Variants in TENM2 observed in about 807,000 individuals in gnomAD.
TENM2 encodes teneurin-2.
In TENM2, 52 loss-of-function variants were observed where a neutral mutation model predicts 245.2. The observed-to-expected ratio is 0.21, with a 90% CI of 0.17 to 0.27. The LOEUF (loss-of-function observed/expected upper bound fraction) is 0.27, where lower values mean the gene tolerates loss of function less well. TENM2 is among the 10% of genes least tolerant of loss of function. The pLI, the probability that TENM2 is intolerant of heterozygous loss-of-function variation, is 1.00. For synonymous variants in TENM2, 1,363 were observed against 1,438.9 expected, an observed-to-expected ratio of 0.95 and a Z score of 1.19; for missense variants, 3,046 against 3,666.8, an observed-to-expected ratio of 0.83 and a Z score of 4.37.
At chr5:168,256,252 A>G (rs1186067544) in intron 27 of TENM2, among the ~76,000 whole-genome samples, 1 of 151,664 alleles carries the variant, frequency 6.6e-6, no homozygotes, top group Non-Finnish European at 1.5e-5. Context: ...ATGTATATAT[A>G]TTTTTAGCAA....
At chr5:168,256,097 C>T (rs1161812019) in intron 27 of TENM2, among the ~76,000 whole-genome samples, 1 of 151,968 alleles carries the variant, frequency 6.6e-6, no homozygotes, top group Non-Finnish European at 1.5e-5. Flanking sequence ...AGCCACCGCG[C>T]CTGGCTAGAA....
chr5:167,316,499 A>G (rs959566270), intron 1 of TENM2, among the ~76,000 whole-genome samples: 1 of 152,134 alleles, frequency 6.6e-6, no homozygotes, highest in African/African-American at 2.4e-5. Flanking sequence ...CTGAAGAGGG[A>G]TTAAAGACAG....
chr5:168,112,340 C>T (rs1794728209), intron 9 of TENM2, among the ~76,000 whole-genome samples: 1 of 151,934 alleles, frequency 6.6e-6, no homozygotes, highest in African/African-American at 2.4e-5. Flanking sequence ...AGCCTAGCGC[C>T]CACTAGTTAT....
the TENM2 span, among the ~76,000 whole-genome samples, chr5:167,006,019 G>A: frequency 6.6e-6 from 1 of 152,054 alleles, no homozygotes; most frequent in Non-Finnish European, 1.5e-5. Context: ...GTGGAAGGAG[G>A]TAGGACATGG....
chr5:168,020,602 C>T (rs1023802808), intron 5 of TENM2, among the ~76,000 whole-genome samples: 2 of 152,126 alleles, frequency 1.3e-5, no homozygotes, highest in Admixed American at 6.5e-5. Context: ...ATCTTGAAGA[C>T]GGTTGCGTCT....
At chr5:167,456,881 G>A (rs961731037) in intron 2 of TENM2, among the ~76,000 whole-genome samples, 3 of 152,158 alleles carry the variant, frequency 2.0e-5, no homozygotes, top group African/African-American at 4.8e-5. Context: ...ACATTCATAA[G>A]TCATGCTGCA....
intron 4 of TENM2, among the ~76,000 whole-genome samples, chr5:167,980,117 G>T (rs149610191): frequency 6.6e-6 from 1 of 152,270 alleles, no homozygotes; most frequent in African/African-American, 2.4e-5. Context: ...TGAGGAAGAA[G>T]ATGAAATCCT....
intron 13 of TENM2, 87 bp downstream of exon 15, chr5:168,162,844 TC>T: frequency 7.0e-7 from 1 of 1,427,844 alleles, no homozygotes; most frequent in South Asian, 1.3e-5. Flanking sequence ...CGGAAAGACC[TC>T]CCCTGCACTA....
At chr5:167,111,984 A>G in the TENM2 span, among the ~76,000 whole-genome samples, 1 of 152,186 alleles carries the variant, frequency 6.6e-6, no homozygotes, top group Non-Finnish European at 1.5e-5. Context: ...CTGGATATCA[A>G]TTCCCTTGTC....
At chr5:167,888,492 G>A (rs1439041691) in intron 3 of TENM2, among the ~76,000 whole-genome samples, 1 of 152,194 alleles carries the variant, frequency 6.6e-6, no homozygotes, top group African/African-American at 2.4e-5. Context: ...AAAAAGTGGA[G>A]GCAGACCCTT....
At chr5:167,169,667 C>A in the TENM2 span, among the ~76,000 whole-genome samples, 1 of 152,204 alleles carries the variant, frequency 6.6e-6, no homozygotes, top group Non-Finnish European at 1.5e-5. Flanking sequence ...TCCACTTGCC[C>A]ATGCTGACAT....
the TENM2 span, among the ~76,000 whole-genome samples, chr5:167,179,581 C>A: frequency 2.6e-4 from 40 of 152,164 alleles, no homozygotes; most frequent in Admixed American, 1.6e-3. Context: ...TTGAGCCCCA[C>A]CCCCGCAACC....
the TENM2 span, among the ~76,000 whole-genome samples, chr5:167,172,840 G>C: frequency 6.6e-6 from 1 of 151,888 alleles, no homozygotes; most frequent in South Asian, 2.1e-4. Context: ...GGTCTCAAAT[G>C]AGCTTTCATT....
At chr5:167,126,434 G>C in the TENM2 span, among the ~76,000 whole-genome samples, 8 of 151,992 alleles carry the variant, frequency 5.3e-5, no homozygotes, top group African/African-American at 1.9e-4. Context: ...TTGACCTTTT[G>C]TGACTTATTT....
At chr5:167,682,385 A>T (rs1276904821) in intron 2 of TENM2, among the ~76,000 whole-genome samples, 3 of 148,776 alleles carry the variant, frequency 2.0e-5, no homozygotes, top group African/African-American at 7.4e-5. Context: ...CTAGTCTTGA[A>T]CTCCTGACCT....
intron 2 of TENM2, among the ~76,000 whole-genome samples, chr5:167,875,119 C>A (rs1160800966): frequency 1.3e-5 from 2 of 152,164 alleles, no homozygotes; most frequent in African/African-American, 4.8e-5. Flanking sequence ...AAGATGCCTG[C>A]ATTCAAAGAG....
At chr5:167,011,101 A>G in the TENM2 span, among the ~76,000 whole-genome samples, 1 of 152,236 alleles carries the variant, frequency 6.6e-6, no homozygotes, top group South Asian at 2.1e-4. Flanking sequence ...ATATTGACAT[A>G]TAAATTATTT....
chr5:168,198,187 C>T (rs1463647725), intron 15 of TENM2, among the ~76,000 whole-genome samples: 1 of 143,678 alleles, frequency 7.0e-6, no homozygotes. Flanking sequence ...GCCAATGAAC[C>T]CTTTTTTTTT....
At chr5:167,763,728 C>G (rs1360617777) in intron 2 of TENM2, among the ~76,000 whole-genome samples, 2 of 152,072 alleles carry the variant, frequency 1.3e-5, no homozygotes, top group Admixed American at 1.3e-4. Context: ...GTTTTAATAC[C>G]TAGAATTTTT....
Sources: gnomAD v4.1 joint callset for allele counts (sites outside exome capture counted in the v4.1 genomes callset) on GRCh38, gnomAD v4.1.1 for gene constraint, MANE v1.5 for transcripts, NCBI Gene and HGNC (gene_info 2026-07-23, HGNC 2026-07-21) for gene names.